Variants in GLIS3 observed in about 807,000 individuals in gnomAD.
GLIS3 encodes zinc finger protein GLIS3.
In GLIS3, 53 loss-of-function variants were observed where a neutral mutation model predicts 78.6. The ratio of observed to expected loss-of-function variants is 0.67; its 90% CI spans 0.54 to 0.85. The LOEUF is 0.85. Among genes scored for constraint, GLIS3 ranks in the 40% least tolerant of loss-of-function variants. GLIS3 has a pLI of 0.00. For synonymous variants in GLIS3, 684 were observed against 509.9 expected (o/e 1.34, Z -4.60); for missense variants, 1,703 against 1,231.1 (o/e 1.38, Z -5.74).
chr9:3,918,168 CT>C (rs1563848250), intron 6 of GLIS3, among the ~76,000 whole-genome samples: 4 of 152,156 alleles, frequency 2.6e-5, no homozygotes, highest in African/African-American at 9.7e-5. Flanking sequence ...TCAGTCTTTT[CT>C]TTTGGAAACT....
chr9:4,400,253 A>C, the GLIS3 span, among the ~76,000 whole-genome samples: 1 of 152,228 alleles, frequency 6.6e-6, no homozygotes, highest in African/African-American at 2.4e-5. Flanking sequence ...CATGTAAAGA[A>C]AGATGGAGAA....
chr9:4,094,875 G>A (rs1183438466), intron 4 of GLIS3, among the ~76,000 whole-genome samples: 3 of 151,442 alleles, frequency 2.0e-5, no homozygotes, highest in African/African-American at 7.3e-5. Context: ...ATCAAATGAA[G>A]TATTTTTAAT....
intron 4 of GLIS3, among the ~76,000 whole-genome samples, chr9:4,085,869 G>C (rs939200847): frequency 2.0e-5 from 3 of 152,140 alleles, no homozygotes; most frequent in Admixed American, 6.5e-5. Flanking sequence ...CTCCACAGAA[G>C]CACATGCCAC....
At chr9:4,467,916 A>G in the GLIS3 span, among the ~76,000 whole-genome samples, 1 of 152,364 alleles carries the variant, frequency 6.6e-6, no homozygotes, top group Admixed American at 6.5e-5. Flanking sequence ...ATGGCTAACT[A>G]GAATAAACAG....
chr9:4,347,943 T>G (rs1053349905), intron 1 of GLIS3, among the ~76,000 whole-genome samples: 5 of 152,348 alleles, frequency 3.3e-5, no homozygotes, highest in African/African-American at 1.2e-4. Context: ...TATTCTTACC[T>G]CATTTGTTCA....
the GLIS3 span, among the ~76,000 whole-genome samples, chr9:4,377,250 C>A: frequency 3.7e-5 from 5 of 135,320 alleles, 1 homozygote; most frequent in East Asian, 1.1e-3. Flanking sequence ...GCTGCCAGCG[C>A]ATCTGGAACA....
rs369086103 is a variant in GLIS3 at position 3,991,663 on chromosome 9, G to A, written c.1711-54474C>T. ...TACTGTCATATTATTATATAGTTCA[G>A]AATTTCATTAAGTAGGCTGATTTTT... On this transcript the variant is annotated intron_variant, in intron 4 of 10. Coordinates refer to ENST00000381971, the MANE Select transcript of GLIS3 (RefSeq NM_001042413.2). Among the ~76,000 whole-genome samples the A allele has an allele frequency of 9.6e-5, 14 of 146,390 alleles. 1 individual carries two copies. In the East Asian group the frequency reaches 9.9e-4, roughly 10 times the overall value.
intron 6 of GLIS3, among the ~76,000 whole-genome samples, chr9:3,902,420 GA>G (rs1823374902): frequency 6.6e-6 from 1 of 152,184 alleles, no homozygotes; most frequent in African/African-American, 2.4e-5. Flanking sequence ...AATCTCTTGG[GA>G]GGGGTGTCTT....
the GLIS3 span, among the ~76,000 whole-genome samples, chr9:4,367,633 CAAAAAAAAAAAA>C: frequency 3.2e-5 from 2 of 62,012 alleles, no homozygotes; most frequent in Non-Finnish European, 3.1e-5. Flanking sequence ...GACTCCATCT[CAAAAAAAAAAAA>C]AAAAAAAAAA....
At chr9:3,867,713 TCTTGTGTGTGTGTGTGCGTG>T (rs1361174508) in intron 8 of GLIS3, among the ~76,000 whole-genome samples, 5 of 95,728 alleles carry the variant, frequency 5.2e-5, no homozygotes, top group Non-Finnish European at 1.0e-4. Context: ...ATTCAACAAT[TCTTGTGTGTGTGTGTGCGTG>T]CGTGTGTGTG....
At chr9:3,837,185 C>G (rs1292931141) in intron 9 of GLIS3, among the ~76,000 whole-genome samples, 4 of 151,680 alleles carry the variant, frequency 2.6e-5, no homozygotes, top group African/African-American at 7.3e-5. Context: ...CTGACCTGCA[C>G]CACATAAGGC....
chr9:3,879,713 T>A, intron 7 of GLIS3, 118 bp from the exon 8 acceptor site: 1 of 1,082,554 alleles, frequency 9.2e-7, no homozygotes, highest in Non-Finnish European at 1.4e-6. Flanking sequence ...TCTCAGTGGT[T>A]TTCAGGGAAC....
intron 8 of GLIS3, chr9:3,875,487 G>A (rs925964320): frequency 5.3e-5 from 8 of 152,158 alleles, no homozygotes; most frequent in Admixed American, 2.6e-4. Flanking sequence ...CCGCAAGCAG[G>A]AAAAGATGCC....
chr9:4,118,869 C>G lies in GLIS3; in HGVS notation c.609G>C (p.Ser203=). 1 of 1,600,456 alleles carries G rather than the reference C, an allele frequency of 6.2e-7. No homozygotes were observed. The highest frequency in any genetic ancestry group is 1.7e-5 in the Admixed American group (1 of 59,920). ...IPPSDTRSLI[S]RESLASTTLS... is the part of the protein sequence containing the mutation. ...AGGTCGTGGACGCCAAAGACTCACGCGAAATAAGGGACCTGGAACAGCAGC... is the reference window on the plus strand; with the variant it reads ...AGGTCGTGGACGCCAAAGACTCACGGGAAATAAGGGACCTGGAACAGCAGC... Residue 203 remains serine (S), a synonymous_variant, in exon 4 of 11, where the codon TCG becomes TCC. Transcript: ENST00000381971. The surrounding 1 kb of genome is among the most constrained non-coding windows in gnomAD (Gnocchi z 4.7).
At chr9:3,935,211 G>C (rs1338065112) in intron 5 of GLIS3, among the ~76,000 whole-genome samples, 3 of 152,072 alleles carry the variant, frequency 2.0e-5, no homozygotes. Context: ...TTAAAATCAA[G>C]TGTGTGATTT....
intron 6 of GLIS3, among the ~76,000 whole-genome samples, chr9:3,919,568 C>T (rs1290646732): frequency 6.6e-6 from 1 of 151,116 alleles, no homozygotes; most frequent in Non-Finnish European, 1.5e-5. Flanking sequence ...ATAATCTGTA[C>T]AACAAACCCT....
At chr9:4,082,758 T>C (rs983497505) in intron 4 of GLIS3, among the ~76,000 whole-genome samples, 2 of 152,206 alleles carry the variant, frequency 1.3e-5, no homozygotes, top group Non-Finnish European at 2.9e-5. Flanking sequence ...AACTCTCCAC[T>C]CTTTACTTGC....
intron 2 of GLIS3, among the ~76,000 whole-genome samples, chr9:4,270,738 G>C (rs963048408): frequency 2.6e-5 from 4 of 152,166 alleles, no homozygotes; most frequent in Non-Finnish European, 4.4e-5. Context: ...TAGAACATTG[G>C]TCTCCTTCTG....
At chr9:3,968,123 TAG>T (rs1818099650) in intron 4 of GLIS3, among the ~76,000 whole-genome samples, 1 of 152,220 alleles carries the variant, frequency 6.6e-6, no homozygotes, top group African/African-American at 2.4e-5. Flanking sequence ...GTTATAATTT[TAG>T]AGTTTTCAAA....
Sources: allele counts gnomAD v4.1 joint callset (sites outside exome capture counted in the v4.1 genomes callset), GRCh38; gene constraint gnomAD v4.1.1; non-coding constraint Gnocchi (gnomAD v3.1); transcripts MANE v1.5; gene names NCBI Gene and HGNC (gene_info 2026-07-23, HGNC 2026-07-21).